Variants in DPP8 observed in about 807,000 individuals in gnomAD.
The protein encoded by DPP8 is dipeptidyl peptidase 8.
Under a neutral mutation model 107.5 loss-of-function variants are expected in DPP8, and 31 were observed. The ratio of observed to expected loss-of-function variants is 0.29; its 90% confidence interval spans 0.22 to 0.39. The LOEUF (loss-of-function observed/expected upper bound fraction) is 0.39, where lower values mean the gene tolerates loss of function less well. DPP8 is among the 10% of genes least tolerant of loss of function. The pLI is 1.00. For synonymous variants in DPP8, 381 were observed against 356.6 expected, an observed-to-expected ratio of 1.07 and a Z score of -0.77; for missense variants, 842 against 1,076.1, an observed-to-expected ratio of 0.78 and a Z score of 3.04.
Position 65,505,647 on chromosome 15 carries a change from T to G in DPP8, c.372+1596A>C, listed in dbSNP as rs562075439. On this transcript the variant is annotated intron_variant, in intron 3 of 19. Transcript: ENST00000300141. ...AAGGGCAATGTTCATGACAAATAGTTGGAGTGAAAATGATTAGTTGTGGCC... is the reference window on the plus strand; with the variant it reads ...AAGGGCAATGTTCATGACAAATAGTGGGAGTGAAAATGATTAGTTGTGGCC... Among the ~76,000 whole-genome samples, 131 of 152,184 alleles carry G rather than the reference T, an allele frequency of 8.6e-4. 1 individual carries two copies. Among genetic ancestry groups the G allele is most frequent in the East Asian group, 1.2e-3 (6 of 5,168 alleles).
At chr15:65,514,838 T>G (rs909495335) in intron 1 of DPP8, among the ~76,000 whole-genome samples, 1 of 152,158 alleles carries the variant, frequency 6.6e-6, no homozygotes, top group African/African-American at 2.4e-5. Context: ...TCTAACAGAC[T>G]GAGGGACAAA....
At position 65,463,778 on chromosome 15, in the gene DPP8, T is replaced by C; in HGVS notation, c.1954A>G (p.Ile652Val). The change falls in exon 15 of 20, where the codon ATA (isoleucine) becomes GTA (valine). Residue 652 changes from isoleucine to valine, a missense_variant. Physicochemically the swap from Ile to Val is conservative, Grantham distance 29. Transcript: ENST00000300141. ...PGKKYPTVLF[I>V]YGGPQVQLVN... ...ATGCCCACCTGAGGACCACCATATA[T>C]GAACAGCACAGTAGGATATTTCTTT... The C allele has an allele frequency of 6.2e-7, 1 of 1,613,050 alleles. No homozygotes were observed.
intron 8 of DPP8, among the ~76,000 whole-genome samples, 185 bp from the exon 9 acceptor site, chr15:65,481,800 C>A (rs1446697137): frequency 6.6e-6 from 1 of 152,048 alleles, no homozygotes; most frequent in African/African-American, 2.4e-5. Context: ...TACTTAATTT[C>A]TGTGCCTAAA....
In DPP8 at chr15:65,448,870, A is replaced by ATATATGTGTGTG. The variant is rs1432776014; in HGVS notation, c.2527-1865_2527-1864insCACACACATATA. 4.7e-4 allele frequency among the ~76,000 whole-genome samples: 3 copies of ATATATGTGTGTG among 6,342 alleles called. 1 individual carries two copies. Among genetic ancestry groups the ATATATGTGTGTG allele is most frequent in the South Asian group, 0.011 (2 of 184 alleles). 4.2% of individuals were successfully genotyped at this position (6,342 alleles called of 152,430 possible). On this transcript the variant is annotated intron_variant, in intron 19 of 19. Coordinates refer to ENST00000300141, the MANE Select transcript of DPP8 (RefSeq NM_130434.5). ...AAATATACATATATATCTAAAATAT[A>ATATATGTGTGTG]TATATATATATATATATATATATAT...
rs1258226110 is a variant in DPP8, at chr15:65,507,504, T to C, written c.260-149A>G. 4.3e-5 allele frequency: 23 copies of C among 533,374 alleles called. 1 individual carries two copies. Among genetic ancestry groups the C allele is most frequent in the Middle Eastern group, 5.0e-4 (1 of 1,988 alleles). 33.0% of individuals were successfully genotyped at this position (533,374 alleles called of 1,614,324 possible). Reference sequence around the variant, plus strand: ...AATGTTAACAAGTAGAATGTGCTTATGCCATATGCCATAAAAATTTTCAAT... The same window carrying C: ...AATGTTAACAAGTAGAATGTGCTTACGCCATATGCCATAAAAATTTTCAAT... On this transcript the variant is annotated intron_variant, in intron 2 of 19. Coordinates refer to ENST00000300141, the MANE Select transcript of DPP8 (RefSeq NM_130434.5).
intron 9 of DPP8, among the ~76,000 whole-genome samples, chr15:65,480,769 G>C (rs2066851254): frequency 6.6e-6 from 1 of 152,128 alleles, no homozygotes; most frequent in African/African-American, 2.4e-5. Flanking sequence ...CTGCACTACA[G>C]TCTGGGTGAC....
At chr15:65,505,864 C>G (rs916975316) in intron 3 of DPP8, among the ~76,000 whole-genome samples, 1 of 150,376 alleles carries the variant, frequency 6.6e-6, no homozygotes, top group African/African-American at 2.4e-5. Context: ...GCAGGAGAAT[C>G]GCTTGAATCT....
At chr15:65,494,331 C>T (rs554439904) in intron 5 of DPP8, among the ~76,000 whole-genome samples, 8 of 151,580 alleles carry the variant, frequency 5.3e-5, no homozygotes, top group Non-Finnish European at 7.4e-5. Context: ...CCTCCTACCT[C>T]GGCTCCCAGA....
chr15:65,494,960 T>C (rs2068433970), intron 5 of DPP8, among the ~76,000 whole-genome samples: 1 of 152,162 alleles, frequency 6.6e-6, no homozygotes, highest in South Asian at 2.1e-4. Flanking sequence ...GAACAACTTA[T>C]CGACAATATG....
intron 12 of DPP8, among the ~76,000 whole-genome samples, chr15:65,468,358 G>A (rs958026418): frequency 4.6e-5 from 7 of 152,078 alleles, no homozygotes; most frequent in Non-Finnish European, 1.0e-4. Flanking sequence ...AGCTGGGCAT[G>A]GTGATGCATC....
At chr15:65,452,195 T>A (rs529088085) in intron 17 of DPP8, 93 bp from the exon 18 acceptor site, 1 of 1,434,848 alleles carries the variant, frequency 7.0e-7, no homozygotes, top group African/African-American at 1.4e-5. Flanking sequence ...AGTCTAAAAT[T>A]ATCCTTAAGC....
intron 5 of DPP8, among the ~76,000 whole-genome samples, chr15:65,497,036 G>T (rs1294480740): frequency 1.3e-5 from 2 of 151,976 alleles, no homozygotes; most frequent in Non-Finnish European, 2.9e-5. Context: ...AATTACAGGT[G>T]TGCACCACCA....
intron 3 of DPP8, among the ~76,000 whole-genome samples, chr15:65,505,474 C>T (rs895496004): frequency 1.3e-5 from 2 of 152,078 alleles, no homozygotes; most frequent in African/African-American, 2.4e-5. Flanking sequence ...TCACGTTATT[C>T]CACTTTTGTA....
intron 5 of DPP8, among the ~76,000 whole-genome samples, chr15:65,491,844 T>C (rs1188693033): frequency 6.6e-6 from 1 of 152,138 alleles, no homozygotes; most frequent in Non-Finnish European, 1.5e-5. Flanking sequence ...GCCATTCTCC[T>C]GCCTCAGCCT....
intron 5 of DPP8, among the ~76,000 whole-genome samples, chr15:65,494,149 C>CTTTTTTT (rs542314824): frequency 0.89 from 108,974 of 123,044 alleles, 49,262 homozygotes; most frequent in East Asian, 0.94. Context: ...GTTCTATATC[C>CTTTTTTT]TTTTTTTTTT....
chr15:65,446,890 C>A lies in DPP8; in HGVS notation c.2643G>T (p.Val881=). The A allele has an allele frequency of 1.2e-6, 2 of 1,610,166 alleles. No homozygotes were observed. The highest frequency in any genetic ancestry group is 2.2e-5 in the South Asian group (2 of 90,210). ...AGTTCTACACAGGTCAAAATTATATCACTTTTAGAGCAGCAATACGTGATC... is the reference window on the plus strand; with the variant it reads ...AGTTCTACACAGGTCAAAATTATATAACTTTTAGAGCAGCAATACGTGATC... ...NLGSRIAALK[V]I Residue 881 remains valine (V), a synonymous_variant, in exon 20 of 20, where the codon GTG becomes GTT. Coordinates refer to ENST00000300141, the MANE Select transcript of DPP8 (RefSeq NM_130434.5).
At chr15:65,515,271 A>G (rs1236543752) in intron 1 of DPP8, among the ~76,000 whole-genome samples, 4 of 152,206 alleles carry the variant, frequency 2.6e-5, no homozygotes, top group African/African-American at 9.6e-5. Context: ...TTCTTATGCA[A>G]AATGTACATT....
At chr15:65,504,231 C>T (rs1362256980) in intron 3 of DPP8, among the ~76,000 whole-genome samples, 3 of 151,998 alleles carry the variant, frequency 2.0e-5, no homozygotes, top group Non-Finnish European at 2.9e-5. Context: ...GGTGTGGTGG[C>T]GCATGCCTGT....
In DPP8 at chr15:65,447,074, C is replaced by A. The variant is rs889245051; in HGVS notation, c.2527-68G>T. The A allele has an allele frequency of 2.0e-5, 26 of 1,275,068 alleles. No homozygotes were observed. In the South Asian group the frequency reaches 2.1e-4, roughly 10 times the overall value. The allele number at this position is 1,275,068 out of a possible 1,614,324, so 79.0% of individuals were successfully genotyped here. A position where few individuals can be genotyped will look rare whatever the true frequency, so the allele number is the denominator to read the frequency against. ...TTTAGTAATACATCTTCTTCCAAAG[C>A]TTTCCAGAGATTTTTAACAGGATTA... On this transcript the variant is annotated intron_variant, in intron 19 of 19. Coordinates refer to ENST00000300141, the MANE Select transcript of DPP8 (RefSeq NM_130434.5).
Sources: allele counts gnomAD v4.1 joint callset (sites outside exome capture counted in the v4.1 genomes callset), GRCh38; gene constraint gnomAD v4.1.1; transcripts MANE v1.5; gene names NCBI Gene and HGNC (gene_info 2026-07-23, HGNC 2026-07-21).